The following TTBK2 variants were observed in gnomAD, a reference collection of about 807,000 sequenced individuals.
TTBK2 encodes tau-tubulin kinase 2.
In TTBK2, 28 loss-of-function variants were observed where a neutral mutation model predicts 110.8. The ratio of observed to expected loss-of-function variants is 0.25; its 90% CI spans 0.19 to 0.35. The LOEUF (loss-of-function observed/expected upper bound fraction) is 0.35. Ranked by LOEUF, TTBK2 falls within the 10% of genes least tolerant of loss-of-function variation. The probability of loss-of-function intolerance (pLI) is 1.00; values close to 1 mark genes in which losing one functional copy is unlikely to be tolerated. For synonymous variants in TTBK2, 532 were observed against 527.3 expected (o/e 1.01, Z -0.12); for missense variants, 1,369 against 1,500.3 (o/e 0.91, Z 1.45).
At chr15:42,884,426 A>G (rs958064770) in intron 1 of TTBK2, among the ~76,000 whole-genome samples, 1 of 152,190 alleles carries the variant, frequency 6.6e-6, no homozygotes, top group African/African-American at 2.4e-5. Flanking sequence ...TTTTGGTATA[A>G]TATTTGGTTT....
At chr15:42,905,553 A>T (rs1012663480) in intron 1 of TTBK2, among the ~76,000 whole-genome samples, 2 of 152,194 alleles carry the variant, frequency 1.3e-5, no homozygotes, top group East Asian at 3.9e-4. Flanking sequence ...CACCATGCCC[A>T]GCCAGGAAAT....
intron 9 of TTBK2, among the ~76,000 whole-genome samples, chr15:42,800,792 A>C (rs1891154227): frequency 6.6e-6 from 1 of 150,682 alleles, no homozygotes; most frequent in Non-Finnish European, 1.5e-5. Context: ...GAATTGTTTC[A>C]TAGCTGGAGG....
intron 4 of TTBK2, among the ~76,000 whole-genome samples, chr15:42,835,691 T>C (rs1567051392): frequency 6.6e-6 from 1 of 152,120 alleles, no homozygotes; most frequent in Non-Finnish European, 1.5e-5. Flanking sequence ...GGTTTGATAT[T>C]TGTGTTATTA....
intron 1 of TTBK2, among the ~76,000 whole-genome samples, chr15:42,912,608 G>T (rs960762921): frequency 2.6e-4 from 40 of 152,200 alleles, no homozygotes; most frequent in African/African-American, 9.4e-4. Context: ...CTACTCGGGA[G>T]GCTGAGGCAG....
In TTBK2 at chr15:42,745,954, G is replaced by A; in HGVS notation, c.3576C>T (p.Pro1192=). 6.2e-7 allele frequency: 1 copy of A among 1,614,124 alleles called. No homozygotes were observed. The highest frequency in any genetic ancestry group is 8.5e-7 in the Non-Finnish European group (1 of 1,180,022). The change falls in exon 15 of 15, where the codon CCC becomes CCT. Residue 1192 remains proline, a synonymous_variant. Coordinates refer to ENST00000267890, the MANE Select transcript of TTBK2 (RefSeq NM_173500.4). The stretch of plus-strand genomic sequence containing the variant: ...TGGAGGAGGAAGATCCTGAGTGGCT[G>A]GGAGGTGACTTGCTTCTCCCCAGAT... ...SPHLGRSKSP[P]SHSGSSSSRR...
intron 9 of TTBK2, among the ~76,000 whole-genome samples, chr15:42,804,359 T>C (rs568092355): frequency 2.0e-5 from 3 of 151,640 alleles, no homozygotes; most frequent in South Asian, 2.1e-4. Context: ...CAGAATTGCT[T>C]GAACCCAGGA....
rs992099841 is a variant in TTBK2 at position 42,917,191 on chromosome 15, T to C, written c.-68+3247A>G. Among the ~76,000 whole-genome samples the C allele has an allele frequency of 4.6e-5, 7 of 151,412 alleles. No individual in the cohort carries two copies. The South Asian group carries it at 1.5e-3, about 32-fold the overall frequency. ...TCCTATATACAATAAAAAACAGCTATAAACACTCCAAAACACCAAGGATTA... is the reference window on the plus strand; with the variant it reads ...TCCTATATACAATAAAAAACAGCTACAAACACTCCAAAACACCAAGGATTA... On this transcript the variant is annotated intron_variant, in intron 1 of 14. Transcript: ENST00000267890.
At chr15:42,840,607 C>T (rs761254968) in intron 3 of TTBK2, 174 bp from the exon 4 acceptor site, 3 of 717,522 alleles carry the variant, frequency 4.2e-6, no homozygotes, top group East Asian at 2.7e-5. Context: ...TCCTCCCAGG[C>T]ACTGTACTAT....
intron 2 of TTBK2, among the ~76,000 whole-genome samples, chr15:42,874,900 C>T (rs930615632): frequency 6.6e-6 from 1 of 151,204 alleles, no homozygotes; most frequent in African/African-American, 2.4e-5. Flanking sequence ...ACAGGAGAAT[C>T]GCTTGAACCT....
chr15:42,828,840 T>C (rs539025411), intron 5 of TTBK2, among the ~76,000 whole-genome samples: 2 of 152,302 alleles, frequency 1.3e-5, no homozygotes, highest in Admixed American at 6.5e-5. Context: ...ATACACTTTG[T>C]ATTCTTCCCC....
chr15:42,881,282 C>CAA (rs10717895), intron 1 of TTBK2, among the ~76,000 whole-genome samples: 336 of 42,914 alleles, frequency 7.8e-3, no homozygotes, highest in Middle Eastern at 0.043. Flanking sequence ...GCTTCCGTCT[C>CAA]AAAAAAAAAA....
At position 42,913,175 on chromosome 15, in the gene TTBK2, G is replaced by A. The variant is rs1045673542; in HGVS notation, c.-68+7263C>T. On this transcript the variant is annotated intron_variant, in intron 1 of 14. Coordinates refer to ENST00000267890, the MANE Select transcript of TTBK2 (RefSeq NM_173500.4). ...AAAAAAGAGCTCCTCTGAAGAGTTA[G>A]TAAAAAGAAATGAAGATTTGTAAAG... Among the ~76,000 whole-genome samples the A allele has an allele frequency of 4.7e-5, 7 of 148,116 alleles. No individual in the cohort carries two copies. The South Asian group carries it at 1.5e-3, about 32-fold the overall frequency.
At chr15:42,836,374 A>C (rs1892986387) in intron 4 of TTBK2, among the ~76,000 whole-genome samples, 1 of 152,214 alleles carries the variant, frequency 6.6e-6, no homozygotes, top group Non-Finnish European at 1.5e-5. Flanking sequence ...GAAGCTGAAT[A>C]CATGGAGGAG....
chr15:42,795,297 T>C (rs1018316501), intron 9 of TTBK2, among the ~76,000 whole-genome samples: 7 of 151,940 alleles, frequency 4.6e-5, no homozygotes, highest in African/African-American at 1.7e-4. Context: ...TCTTAAAATA[T>C]GTGTGTGCAT....
At chr15:42,822,071 C>A (rs911427134) in intron 6 of TTBK2, among the ~76,000 whole-genome samples, 3 of 152,120 alleles carry the variant, frequency 2.0e-5, no homozygotes, top group Non-Finnish European at 2.9e-5. Flanking sequence ...CCATTTGTAT[C>A]TCTTCTTTGA....
At chr15:42,816,697 A>G (rs1337744853) in intron 7 of TTBK2, among the ~76,000 whole-genome samples, 1 of 151,996 alleles carries the variant, frequency 6.6e-6, no homozygotes, top group Non-Finnish European at 1.5e-5. Flanking sequence ...GAGGCAGGTG[A>G]TCATGAGGCT....
chr15:42,904,118 A>G (rs1158703334), intron 1 of TTBK2, among the ~76,000 whole-genome samples: 2 of 152,324 alleles, frequency 1.3e-5, no homozygotes, highest in African/African-American at 2.4e-5. Context: ...ATTGCAGCCT[A>G]TGACTGATCC....
chr15:42,752,112 A>G lies in TTBK2; in HGVS notation c.3134T>C (p.Ile1045Thr). 6.2e-7 allele frequency: 1 copy of G among 1,614,032 alleles called. No homozygotes were observed. Among genetic ancestry groups the G allele is most frequent in the Non-Finnish European group, 8.5e-7 (1 of 1,180,020 alleles). ...SAEDSFLSPI[I>T]SQSRKSKIPR... is the part of the protein sequence containing the mutation. The stretch of plus-strand genomic sequence containing the variant: ...AATTTTGCTCTTTCTAGACTGGGAG[A>G]TGATGGGTGACAGAAAGCTATCTTC... The change falls in exon 14 of 15, where the codon ATC (isoleucine) becomes ACC (threonine). Residue 1045 changes from isoleucine (I) to threonine (T), a missense_variant. By Grantham distance (89) the Ile-to-Thr change is moderately conservative (BLOSUM62 -1). Transcript: ENST00000267890.
intron 3 of TTBK2, among the ~76,000 whole-genome samples, chr15:42,845,458 G>A (rs1053469648): frequency 1.3e-5 from 2 of 151,654 alleles, no homozygotes; most frequent in Admixed American, 6.6e-5. Context: ...CTGAGGTCAG[G>A]AGTTCAAGAC....
Sources: gnomAD v4.1 joint callset for allele counts (sites outside exome capture counted in the v4.1 genomes callset) on GRCh38, gnomAD v4.1.1 for gene constraint, MANE v1.5 for transcripts, NCBI Gene and HGNC (gene_info 2026-07-23, HGNC 2026-07-21) for gene names.